The following OTOGL variants were observed in gnomAD, a reference collection of about 807,000 sequenced individuals.
OTOGL encodes the protein otogelin-like protein.
In OTOGL, 285 loss-of-function variants were observed where a neutral mutation model predicts 318.5. The observed-to-expected ratio is 0.89, with a 90% CI of 0.81 to 0.99. The LOEUF (loss-of-function observed/expected upper bound fraction) is 0.99, where lower values mean the gene tolerates loss of function less well. Ranked by LOEUF, OTOGL falls within the 50% of genes least tolerant of loss-of-function variation. OTOGL has a pLI of 0.00. For synonymous variants in OTOGL, 987 were observed against 936.5 expected, an observed-to-expected ratio of 1.05 and a Z score of -0.99; for missense variants, 2,899 against 2,845.6, an observed-to-expected ratio of 1.02 and a Z score of -0.43.
At chr12:80,303,918 A>G (rs1413231709) in intron 28 of OTOGL, among the ~76,000 whole-genome samples, 1 of 152,208 alleles carries the variant, frequency 6.6e-6, no homozygotes, top group East Asian at 1.9e-4. Flanking sequence ...TATCCATCAC[A>G]ACAGTTCTAC....
chr12:80,143,907 T>A (rs1872125653), intron 1 of OTOGL, among the ~76,000 whole-genome samples: 1 of 152,158 alleles, frequency 6.6e-6, no homozygotes, highest in South Asian at 2.1e-4. Flanking sequence ...TATATCTAGT[T>A]CTTCCATGCT....
intron 44 of OTOGL, among the ~76,000 whole-genome samples, chr12:80,350,044 T>C (rs1889447446): frequency 6.6e-6 from 1 of 152,204 alleles, no homozygotes; most frequent in African/African-American, 2.4e-5. Context: ...TGAAATTCTG[T>C]ACCCTTTAAC....
chr12:80,292,137 C>T (rs1021940028), intron 26 of OTOGL, among the ~76,000 whole-genome samples: 42 of 151,926 alleles, frequency 2.8e-4, no homozygotes, highest in Middle Eastern at 3.2e-3. Context: ...TACAGGCATG[C>T]GCCACCACAC....
chr12:80,373,301 A>G (rs1890992697), intron 57 of OTOGL, among the ~76,000 whole-genome samples: 1 of 152,080 alleles, frequency 6.6e-6, no homozygotes, highest in Non-Finnish European at 1.5e-5. Flanking sequence ...ACATAGCAGC[A>G]TGTGCCTGTG....
At chr12:80,139,312 T>A (rs149980430) in intron 1 of OTOGL, among the ~76,000 whole-genome samples, 70 of 152,330 alleles carry the variant, frequency 4.6e-4, no homozygotes, top group African/African-American at 1.6e-3. Context: ...AAGCCTTTTT[T>A]AAATACCTGG....
At chr12:80,157,342 A>G (rs1873192916) in intron 1 of OTOGL, among the ~76,000 whole-genome samples, 1 of 151,904 alleles carries the variant, frequency 6.6e-6, no homozygotes. Flanking sequence ...CTGGTTTTTA[A>G]TCCCTTGTCA....
Position 80,378,723 on chromosome 12 carries a change from C to CAGTATGT in OTOGL, c.*680_*686dup, listed in dbSNP as rs1305204079. 2.0e-5 allele frequency: 3 copies of CAGTATGT among 151,922 alleles called. No homozygotes were observed. The highest frequency in any genetic ancestry group is 4.4e-5 in the Non-Finnish European group (3 of 67,912). The allele number at this position is 151,922 out of a possible 1,614,324, so 9.4% of individuals were successfully genotyped here. A position where few individuals can be genotyped will look rare whatever the true frequency, so the allele number is the denominator to read the frequency against. ...ACTATATCACTTTTAAAATCCTGAG[C>CAGTATGT]AGTATGTAGTAAGAGTATATCACAG... On this transcript the variant is annotated 3_prime_UTR_variant, in exon 59 of 59. Coordinates refer to ENST00000547103, the MANE Select transcript of OTOGL (RefSeq NM_001378609.3).
Position 80,219,790 on chromosome 12 carries a change from C to CTTTTTTTTTTTTTTTTTT in OTOGL, c.236-10_236-9insTTTTTTTTTTTTTTTTTT, listed in dbSNP as rs71717494. The stretch of plus-strand genomic sequence containing the variant: ...AGAACAAATGGATGCCAGAAGATAA[C>CTTTTTTTTTTTTTTTTTT]TTTTTTTTTTTTTTCCCCCTCAGGT... On this transcript the variant is annotated intron_variant, in intron 5 of 58. Transcript: ENST00000547103. The CTTTTTTTTTTTTTTTTTT allele has an allele frequency of 9.6e-5, 115 of 1,202,048 alleles. No homozygotes were observed. The African/African-American group carries it at 1.8e-3, about 18-fold the overall frequency. The allele number at this position is 1,202,048 out of a possible 1,614,324, so 74.5% of individuals were successfully genotyped here. A position where few individuals can be genotyped will look rare whatever the true frequency, so the allele number is the denominator to read the frequency against.
At position 80,147,965 on chromosome 12, in the gene OTOGL, G is replaced by T. The variant is rs1424226388; in HGVS notation, c.-20+48360G>T. On this transcript the variant is annotated intron_variant, in intron 1 of 58. Coordinates refer to ENST00000547103, the MANE Select transcript of OTOGL (RefSeq NM_001378609.3). ...TATGTGTGTCTCTGCACGTGAGATGGGTTTCCTGAATACAGCACACTGATG... is the reference window on the plus strand; with the variant it reads ...TATGTGTGTCTCTGCACGTGAGATGTGTTTCCTGAATACAGCACACTGATG... 3.9e-5 allele frequency among the ~76,000 whole-genome samples: 6 copies of T among 151,990 alleles called. No individual in the cohort carries two copies. The South Asian group carries it at 1.2e-3, about 32-fold the overall frequency.
At position 80,182,080 on chromosome 12, in the gene OTOGL, A is replaced by G. The variant is rs115304748; in HGVS notation, c.-19-27333A>G. Reference sequence around the variant, plus strand: ...TACTCAGGAGGTTGCTTGAGCCCAGAGGTTGAGACTACAGTGAGCCATGAT... The same window carrying G: ...TACTCAGGAGGTTGCTTGAGCCCAGGGGTTGAGACTACAGTGAGCCATGAT... On this transcript the variant is annotated intron_variant, in intron 1 of 58. Coordinates refer to ENST00000547103, the MANE Select transcript of OTOGL (RefSeq NM_001378609.3). Among the ~76,000 whole-genome samples, 869 of 152,244 alleles carry G rather than the reference A, an allele frequency of 5.7e-3. 10 individuals carry two copies. Among genetic ancestry groups the G allele is most frequent in the African/African-American group, 0.019 (787 of 41,542 alleles).
At chr12:80,291,244 T>C (rs1885024338) in intron 26 of OTOGL, among the ~76,000 whole-genome samples, 1 of 152,198 alleles carries the variant, frequency 6.6e-6, no homozygotes, top group Non-Finnish European at 1.5e-5. Flanking sequence ...TCAAATGATA[T>C]TTTTCTCTCT....
intron 32 of OTOGL, among the ~76,000 whole-genome samples, chr12:80,315,260 T>C (rs1886895010): frequency 6.6e-6 from 1 of 152,160 alleles, no homozygotes; most frequent in Non-Finnish European, 1.5e-5. Flanking sequence ...GGAATTTATT[T>C]TGCCATCATT....
chr12:80,224,968 T>C (rs577698903), intron 7 of OTOGL, among the ~76,000 whole-genome samples: 1 of 152,188 alleles, frequency 6.6e-6, no homozygotes, highest in South Asian at 2.1e-4. Context: ...GATGTGATTA[T>C]GTAACATTGC....
Position 80,255,025 on chromosome 12 carries a change from T to C in OTOGL, c.1442-15T>C. On this transcript the variant is annotated splice_polypyrimidine_tract_variant and intron_variant, in intron 15 of 58. Transcript: ENST00000547103. Reference sequence around the variant, plus strand: ...CTCCTTTTCTTTTTCTTTGTTTTCTTTTTTTTTTTGGCAGTTCAATGCTCA... The same window carrying C: ...CTCCTTTTCTTTTTCTTTGTTTTCTCTTTTTTTTTGGCAGTTCAATGCTCA... The C allele has an allele frequency of 7.2e-7, 1 of 1,388,800 alleles. No individual in the cohort carries two copies. The highest frequency in any genetic ancestry group is 1.7e-5 in the South Asian group (1 of 59,682). The allele number at this position is 1,388,800 out of a possible 1,614,324, so 86.0% of individuals were successfully genotyped here. A position where few individuals can be genotyped will look rare whatever the true frequency, so the allele number is the denominator to read the frequency against.
intron 2 of OTOGL, among the ~76,000 whole-genome samples, chr12:80,209,982 G>A (rs2069380957): frequency 6.6e-6 from 1 of 151,940 alleles, no homozygotes; most frequent in Non-Finnish European, 1.5e-5. Flanking sequence ...CCAAAGAATA[G>A]TAAAAAAATG....
Position 80,267,276 on chromosome 12 carries a change from G to C in OTOGL, c.2414G>C (p.Arg805Thr). Residue 805 changes from arginine to threonine, a missense_variant, in exon 22 of 59, where the codon AGG becomes ACG. Arg to Thr is a moderately conservative substitution (Grantham distance 71, BLOSUM62 -1). This residue lies in a region of OTOGL where 2,607 missense variants were observed against 2,524.9 expected (regional missense o/e 1.03). Coordinates refer to ENST00000547103, the MANE Select transcript of OTOGL (RefSeq NM_001378609.3). ...VPIFHCRCHY[R>T]GSVYQPGELI... ...AGATTCCACTGCCGTTGTCATTATA[G>C]GGGCAGTGTTTATCAACCTGGAGAG... 1 of 1,562,062 alleles carries C rather than the reference G, an allele frequency of 6.4e-7. No homozygotes were observed. The highest frequency in any genetic ancestry group is 1.2e-5 in the South Asian group (1 of 86,148).
chr12:80,329,834 G>A (rs1433190556), intron 37 of OTOGL, among the ~76,000 whole-genome samples: 1 of 152,162 alleles, frequency 6.6e-6, no homozygotes, highest in Non-Finnish European at 1.5e-5. Context: ...CCCTCAGTGA[G>A]GAGATATGAT....
intron 8 of OTOGL, among the ~76,000 whole-genome samples, chr12:80,231,008 C>T (rs1270618196): frequency 6.6e-6 from 1 of 152,134 alleles, no homozygotes; most frequent in African/African-American, 2.4e-5. Flanking sequence ...TCACAGTTTT[C>T]CACCTTTATT....
intron 21 of OTOGL, 27 bp from the exon 22 acceptor site, chr12:80,267,226 T>C: frequency 7.0e-7 from 1 of 1,424,866 alleles, no homozygotes; most frequent in Non-Finnish European, 9.6e-7. Context: ...AATTGTATCC[T>C]ATTTACTTTA....
Sources: gnomAD v4.1 joint callset for allele counts (sites outside exome capture counted in the v4.1 genomes callset) on GRCh38, gnomAD v4.1.1 for gene constraint, gnomAD v4.1.1 regional missense constraint, MANE v1.5 for transcripts, NCBI Gene and HGNC (gene_info 2026-07-23, HGNC 2026-07-21) for gene names.